Variants in ALPK1 observed in about 807,000 individuals in gnomAD.
ALPK1 encodes the protein alpha kinase 1.
Under a neutral mutation model 120.6 loss-of-function variants are expected in ALPK1, and 110 were observed. That is an observed-to-expected ratio of 0.91 (90% CI 0.78 to 1.07). The LOEUF (loss-of-function observed/expected upper bound fraction) is 1.07, where lower values mean the gene tolerates loss of function less well. Among genes scored for constraint, ALPK1 ranks in the 50% least tolerant of loss-of-function variants. The pLI, the probability that ALPK1 is intolerant of heterozygous loss-of-function variation, is 0.00. For missense variants in ALPK1, 1,498 were observed against 1,483.9 expected (o/e 1.01, Z -0.16); for synonymous variants, 582 against 560.3 (o/e 1.04, Z -0.55).
At chr4:112,333,609 C>T (rs560539626) in intron 2 of ALPK1, among the ~76,000 whole-genome samples, 41 of 152,198 alleles carry the variant, frequency 2.7e-4, no homozygotes, top group Non-Finnish European at 3.7e-4. Context: ...CCAGAACTAG[C>T]GCATTTACCA....
At chr4:112,381,860 C>T (rs1293328352) in intron 3 of ALPK1, among the ~76,000 whole-genome samples, 2 of 152,156 alleles carry the variant, frequency 1.3e-5, no homozygotes, top group Non-Finnish European at 2.9e-5. Context: ...GAAACAGGGC[C>T]ATTTCACAAT....
At chr4:112,379,414 A>G (rs1431562680) in intron 3 of ALPK1, among the ~76,000 whole-genome samples, 2 of 152,214 alleles carry the variant, frequency 1.3e-5, no homozygotes, top group Admixed American at 1.3e-4. Flanking sequence ...GGTTGAATCC[A>G]ATAAACCGAC....
At chr4:112,382,238 C>G (rs1578519929) in intron 3 of ALPK1, among the ~76,000 whole-genome samples, 160 bp from the exon 4 acceptor site, 1 of 151,280 alleles carries the variant, frequency 6.6e-6, no homozygotes, top group South Asian at 2.1e-4. Flanking sequence ...TTCTTTGAGT[C>G]AGAACCAACA....
At chr4:112,429,351 G>A (rs1578567472) in intron 10 of ALPK1, 98 bp downstream of exon 10, 1 of 923,926 alleles carries the variant, frequency 1.1e-6, no homozygotes, top group East Asian at 2.5e-5. Flanking sequence ...CCTTCAAACA[G>A]GCTTTGTGTC....
intron 4 of ALPK1, among the ~76,000 whole-genome samples, chr4:112,400,960 G>A (rs1578538363): frequency 6.6e-6 from 1 of 152,292 alleles, no homozygotes. Flanking sequence ...GAGTGTTGGG[G>A]AAAGAGCCTG....
At chr4:112,425,932 G>GT (rs536152336) in intron 7 of ALPK1, 181 bp downstream of exon 7, 145 of 476,016 alleles carry the variant, frequency 3.0e-4, no homozygotes, top group African/African-American at 2.5e-3. Flanking sequence ...TTAATAAAAT[G>GT]TGTTTTTTTC....
At chr4:112,343,384 T>TCTCTGTGTCGTCTTAGAGTTCAC (rs1560645187) in intron 2 of ALPK1, 1 of 152,216 alleles carries the variant, frequency 6.6e-6, no homozygotes, top group East Asian at 1.9e-4. Context: ...TGGGGAAAGA[T>TCTCTGTGTCGTCTTAGAGTTCAC]CTCTGTGTCG....
chr4:112,391,576 C>T (rs954961771), intron 4 of ALPK1, among the ~76,000 whole-genome samples: 1 of 152,080 alleles, frequency 6.6e-6, no homozygotes, highest in Non-Finnish European at 1.5e-5. Context: ...AGCCCTTAAG[C>T]CAGTGTGACT....
chr4:112,376,811 C>T (rs1385309023), intron 2 of ALPK1, among the ~76,000 whole-genome samples: 2 of 152,232 alleles, frequency 1.3e-5, no homozygotes, highest in African/African-American at 4.8e-5. Context: ...CTAAACCTGA[C>T]AGCAGCTCCA....
intron 2 of ALPK1, chr4:112,359,471 C>G (rs976486970): frequency 7.2e-6 from 2 of 278,316 alleles, no homozygotes; most frequent in Non-Finnish European, 1.4e-5. Context: ...AGCAGCACTT[C>G]TTGCCGACAT....
intron 1 of ALPK1, among the ~76,000 whole-genome samples, chr4:112,309,527 G>A (rs548002562): frequency 1.3e-5 from 2 of 152,256 alleles, no homozygotes; most frequent in African/African-American, 4.8e-5. Flanking sequence ...GAGGCTCCGT[G>A]GGTGTGGGAC....
At chr4:112,436,610 T>C (rs1479476275) in intron 12 of ALPK1, among the ~76,000 whole-genome samples, 1 of 152,180 alleles carries the variant, frequency 6.6e-6, no homozygotes, top group Non-Finnish European at 1.5e-5. Context: ...CATGTGAAGA[T>C]TGTAGTTATG....
chr4:112,427,069 A>G (rs6533618), intron 8 of ALPK1, among the ~76,000 whole-genome samples: 83,405 of 151,606 alleles, frequency 0.55, 23,091 homozygotes, highest in East Asian at 0.71. Flanking sequence ...GTAAGCAATT[A>G]CTGTCTACGA....
At position 112,430,571 on chromosome 4, in the gene ALPK1, G is replaced by C. The variant is rs775561725; in HGVS notation, c.1024G>C (p.Asp342His). Reference sequence around the variant, plus strand: ...GATTGGCCTCCTCACCAAGAGAGATGATGAGCCTGTTACTGGAAAACAGGA... The same window carrying C: ...GATTGGCCTCCTCACCAAGAGAGATCATGAGCCTGTTACTGGAAAACAGGA... ...FEIGLLTKRD[D>H]EPVTGKQELH... The change falls in exon 11 of 16, where the codon GAT (aspartate) becomes CAT (histidine). Residue 342 changes from aspartate (D) to histidine (H), a missense_variant. By Grantham distance (81) the Asp-to-His change is moderately conservative. Coordinates refer to ENST00000650871, the MANE Select transcript of ALPK1 (RefSeq NM_025144.4). The C allele has an allele frequency of 1.5e-5, 24 of 1,614,074 alleles. No homozygotes were observed. The East Asian group carries it at 2.2e-4, about 15-fold the overall frequency.
In ALPK1 at chr4:112,415,593, T is replaced by G. The variant is rs574321209; in HGVS notation, c.475+3568T>G. On this transcript the variant is annotated intron_variant, in intron 5 of 15. Transcript: ENST00000650871. ...CAGAGGTTGCAGTGAGCTGAGATCA[T>G]GCCATTGCACTCCAGCCTGGGTTAC... 6.0e-5 allele frequency among the ~76,000 whole-genome samples: 9 copies of G among 149,706 alleles called. No individual in the cohort carries two copies. The South Asian group carries it at 1.9e-3, about 32-fold the overall frequency.
chr4:112,327,758 T>G (rs1329405313), intron 2 of ALPK1, among the ~76,000 whole-genome samples: 1 of 152,220 alleles, frequency 6.6e-6, no homozygotes, highest in African/African-American at 2.4e-5. Flanking sequence ...AGTGTGATAC[T>G]TTTATGTTAA....
chr4:112,372,615 C>A (rs1413154537), intron 2 of ALPK1, among the ~76,000 whole-genome samples: 1 of 152,034 alleles, frequency 6.6e-6, no homozygotes, highest in Non-Finnish European at 1.5e-5. Context: ...TCTCACATAC[C>A]ATTATTTGTG....
intron 2 of ALPK1, chr4:112,343,394 G>A (rs1043605884): frequency 6.6e-6 from 1 of 152,304 alleles, no homozygotes; most frequent in South Asian, 2.1e-4. Context: ...TCTCTGTGTC[G>A]TCTTAGAGTT....
At chr4:112,369,934 C>T (rs777679576) in intron 2 of ALPK1, among the ~76,000 whole-genome samples, 1 of 152,148 alleles carries the variant, frequency 6.6e-6, no homozygotes, top group African/African-American at 2.4e-5. Context: ...GATCATCGCT[C>T]ATATTTCTTT....
Sources: gnomAD v4.1 joint callset for allele counts (sites outside exome capture counted in the v4.1 genomes callset) on GRCh38, gnomAD v4.1.1 for gene constraint, MANE v1.5 for transcripts, NCBI Gene and HGNC (gene_info 2026-07-23, HGNC 2026-07-21) for gene names.